Variants in CDH13 observed in about 807,000 individuals in gnomAD.
The protein encoded by CDH13 is cadherin 13.
Under a neutral mutation model 63.8 loss-of-function variants are expected in CDH13, and 24 were observed. The ratio of observed to expected loss-of-function variants is 0.38; its 90% CI spans 0.27 to 0.53. The LOEUF (loss-of-function observed/expected upper bound fraction) is 0.53, where lower values mean the gene tolerates loss of function less well. Ranked by LOEUF, CDH13 falls within the 20% of genes least tolerant of loss-of-function variation. The pLI is 0.85. For missense variants in CDH13, 1,049 were observed against 903.1 expected, an observed-to-expected ratio of 1.16 and a Z score of -2.07; for synonymous variants, 503 against 355.3, an observed-to-expected ratio of 1.42 and a Z score of -4.67.
intron 8 of CDH13, among the ~76,000 whole-genome samples, chr16:83,665,608 C>T (rs754805444): frequency 2.6e-5 from 4 of 152,202 alleles, no homozygotes; most frequent in Non-Finnish European, 4.4e-5. Context: ...CAGATGACTA[C>T]ATCCCAGCTT....
In CDH13 at chr16:83,253,080, A is replaced by C. The variant is rs1455157403; in HGVS notation, c.636+35583A>C. Among the ~76,000 whole-genome samples, 6 of 152,344 alleles carry C rather than the reference A, an allele frequency of 3.9e-5. No individual in the cohort carries two copies. In the South Asian group the frequency reaches 8.3e-4, roughly 21 times the overall value. On this transcript the variant is annotated intron_variant, in intron 5 of 13. Transcript: ENST00000567109. ...AGAGTAAGTACTCAATAAATAGTGG[A>C]GATTGTAACTCTTACTAATCTGGTG...
chr16:83,036,696 T>A (rs988073363), intron 3 of CDH13, among the ~76,000 whole-genome samples: 2 of 152,120 alleles, frequency 1.3e-5, no homozygotes, highest in Non-Finnish European at 2.9e-5. Flanking sequence ...CCACTCTGCA[T>A]CCCTCTCCCT....
rs193117828 is a variant in CDH13 at position 83,188,433 on chromosome 16, G to A, written c.484-28912G>A. Among the ~76,000 whole-genome samples the A allele has an allele frequency of 3.4e-3, 524 of 152,176 alleles. 2 individuals carry two copies. Among genetic ancestry groups the A allele is most frequent in the African/African-American group, 0.011 (451 of 41,518 alleles). Reference sequence around the variant, plus strand: ...TGGTTGCCTGCAAACCAGGCTCTGCGCCTCTCTGAACTGTCATGCATTCTT... The same window carrying A: ...TGGTTGCCTGCAAACCAGGCTCTGCACCTCTCTGAACTGTCATGCATTCTT... On this transcript the variant is annotated intron_variant, in intron 4 of 13. Coordinates refer to ENST00000567109, the MANE Select transcript of CDH13 (RefSeq NM_001257.5).
At chr16:83,428,539 G>A (rs1438061116) in intron 6 of CDH13, among the ~76,000 whole-genome samples, 1 of 152,158 alleles carries the variant, frequency 6.6e-6, no homozygotes, top group Non-Finnish European at 1.5e-5. Context: ...AACTTGTGAT[G>A]TTTTGTTAAA....
intron 5 of CDH13, among the ~76,000 whole-genome samples, chr16:83,319,901 A>G (rs1006682937): frequency 6.6e-6 from 1 of 152,212 alleles, no homozygotes; most frequent in Non-Finnish European, 1.5e-5. Flanking sequence ...CAAAAGCCCA[A>G]CGTAAATGAA....
chr16:82,977,301 G>T (rs1833286763), intron 2 of CDH13, among the ~76,000 whole-genome samples: 1 of 152,088 alleles, frequency 6.6e-6, no homozygotes, highest in Non-Finnish European at 1.5e-5. Flanking sequence ...CACAGTGAGG[G>T]CCAGGGTATT....
At chr16:82,799,176 A>T (rs1179890348) in intron 1 of CDH13, among the ~76,000 whole-genome samples, 1 of 152,198 alleles carries the variant, frequency 6.6e-6, no homozygotes, top group Non-Finnish European at 1.5e-5. Context: ...CTCCGCCATG[A>T]TGTTTGTAAG....
chr16:83,795,010 C>A lies in CDH13; in HGVS notation c.2135-13C>A. 1.3e-6 allele frequency: 2 copies of A among 1,594,188 alleles called. No homozygotes were observed. The highest frequency in any genetic ancestry group is 1.3e-5 in the African/African-American group (1 of 74,652). ...TGATATTCCCGACTTAACTCTGAAC[C>A]CTCTCTATTCAGGTCTGTGAGAACT... On this transcript the variant is annotated splice_polypyrimidine_tract_variant and intron_variant, in intron 13 of 13. Coordinates refer to ENST00000567109, the MANE Select transcript of CDH13 (RefSeq NM_001257.5).
intron 1 of CDH13, among the ~76,000 whole-genome samples, chr16:82,684,768 C>T (rs1311743561): frequency 6.6e-6 from 1 of 152,224 alleles, no homozygotes; most frequent in Admixed American, 6.5e-5. Flanking sequence ...GAATTATCCT[C>T]TGCAAACATG....
intron 2 of CDH13, among the ~76,000 whole-genome samples, chr16:82,988,160 A>G (rs969445582): frequency 2.6e-5 from 4 of 152,192 alleles, no homozygotes; most frequent in African/African-American, 9.6e-5. Flanking sequence ...GTGTGTGTAC[A>G]TGCATATGTG....
chr16:83,099,468 C>A (rs2034366768), intron 3 of CDH13, among the ~76,000 whole-genome samples: 1 of 151,402 alleles, frequency 6.6e-6, no homozygotes, highest in Non-Finnish European at 1.5e-5. Context: ...GGATTACAGG[C>A]ACCTGGCACC....
At chr16:83,390,482 C>T (rs1335578573) in intron 6 of CDH13, among the ~76,000 whole-genome samples, 1 of 150,916 alleles carries the variant, frequency 6.6e-6, no homozygotes, top group Non-Finnish European at 1.5e-5. Context: ...TGAGAACAAC[C>T]ACAGGGACTT....
intron 4 of CDH13, among the ~76,000 whole-genome samples, chr16:83,180,121 T>C (rs2038288134): frequency 1.3e-5 from 2 of 151,402 alleles, no homozygotes; most frequent in South Asian, 4.2e-4. Flanking sequence ...ATTGGTTTAA[T>C]TGTCGTTTAA....
intron 1 of CDH13, 63 bp from the exon 2 acceptor site, chr16:82,858,299 C>G: frequency 8.8e-7 from 1 of 1,133,380 alleles, no homozygotes; most frequent in Admixed American, 2.0e-5. Flanking sequence ...GCGGATTTGG[C>G]GAAAGTTAGC....
intron 2 of CDH13, among the ~76,000 whole-genome samples, chr16:82,890,942 G>T (rs551269953): frequency 6.6e-6 from 1 of 151,848 alleles, no homozygotes; most frequent in Non-Finnish European, 1.5e-5. Flanking sequence ...GTGAGCCACT[G>T]TGCCTGGCCG....
Position 82,750,097 on chromosome 16 carries a change from G to A in CDH13, c.46-108265G>A, listed in dbSNP as rs530143151. On this transcript the variant is annotated intron_variant, in intron 1 of 13. Coordinates refer to ENST00000567109, the MANE Select transcript of CDH13 (RefSeq NM_001257.5). ...AAAGAGACTCTCCTTCTAAACATCT[G>A]TGTGTGATTCCTGGAGGACATAAGT... Among the ~76,000 whole-genome samples the A allele has an allele frequency of 1.1e-4, 16 of 152,276 alleles. No individual in the cohort carries two copies. In the South Asian group the frequency reaches 2.1e-3, roughly 20 times the overall value.
At chr16:83,392,102 C>T (rs530230137) in intron 6 of CDH13, among the ~76,000 whole-genome samples, 14 of 152,220 alleles carry the variant, frequency 9.2e-5, no homozygotes, top group African/African-American at 2.6e-4. Flanking sequence ...CCTCGCACTT[C>T]GAAAGCACAC....
At chr16:82,937,937 T>C (rs920078304) in intron 2 of CDH13, among the ~76,000 whole-genome samples, 3 of 152,230 alleles carry the variant, frequency 2.0e-5, no homozygotes, top group Non-Finnish European at 2.9e-5. Flanking sequence ...TAATTGGATA[T>C]AGTTATTCAA....
chr16:83,005,496 C>T (rs1392110755), intron 2 of CDH13, among the ~76,000 whole-genome samples: 1 of 152,208 alleles, frequency 6.6e-6, no homozygotes, highest in Non-Finnish European at 1.5e-5. Flanking sequence ...CACCAACAAC[C>T]TCAGGCCTTC....
Sources: allele counts gnomAD v4.1 joint callset (sites outside exome capture counted in the v4.1 genomes callset), GRCh38; gene constraint gnomAD v4.1.1; transcripts MANE v1.5; gene names NCBI Gene and HGNC (gene_info 2026-07-23, HGNC 2026-07-21).